Variants in CNTN1 observed in about 807,000 individuals in gnomAD.
CNTN1 encodes contactin-1.
A neutral mutation model predicts 126.4 loss-of-function variants in CNTN1; 38 were observed. The observed-to-expected ratio is 0.30, with a 90% CI of 0.23 to 0.39. The LOEUF (loss-of-function observed/expected upper bound fraction) is 0.39. Ranked by LOEUF, CNTN1 falls within the 10% of genes least tolerant of loss-of-function variation. The probability of loss-of-function intolerance (pLI) is 1.00; values close to 1 mark genes in which losing one functional copy is unlikely to be tolerated. For synonymous variants in CNTN1, 413 were observed against 422.6 expected (o/e 0.98, Z 0.28); for missense variants, 1,009 against 1,248.4 (o/e 0.81, Z 2.89).
chr12:41,062,297 A>G (rs960834759), intron 23 of CNTN1, among the ~76,000 whole-genome samples: 1 of 152,224 alleles, frequency 6.6e-6, no homozygotes, highest in Non-Finnish European at 1.5e-5. Flanking sequence ...TTAACATTAG[A>G]CCATTCATAA....
At chr12:40,801,011 T>C (rs1440177196) in intron 1 of CNTN1, among the ~76,000 whole-genome samples, 1 of 48,842 alleles carries the variant, frequency 2.0e-5, no homozygotes, top group Non-Finnish European at 3.9e-5. Context: ...CAAACTAGAG[T>C]TTTGTTTTTT....
At chr12:40,919,045 T>G (rs1342637925) in intron 4 of CNTN1, among the ~76,000 whole-genome samples, 1 of 152,156 alleles carries the variant, frequency 6.6e-6, no homozygotes, top group Non-Finnish European at 1.5e-5. Context: ...GGAAATCATG[T>G]TTTTAGGCCC....
intron 1 of CNTN1, among the ~76,000 whole-genome samples, chr12:40,752,848 C>T (rs7131902): frequency 0.15 from 23,003 of 151,926 alleles, 2,449 homozygotes; most frequent in East Asian, 0.47. Context: ...ATAAAACAAA[C>T]GGGTAATTAA....
At position 40,903,430 on chromosome 12, in the gene CNTN1, C is replaced by T. The variant is rs185472493; in HGVS notation, c.-76-4927C>T. On this transcript the variant is annotated intron_variant, in intron 1 of 23. Coordinates refer to ENST00000551295, the MANE Select transcript of CNTN1 (RefSeq NM_001843.4). ...GCCTCTGTCACTTCATTTTTTGCAA[C>T]ACTTTCAGGTCCATGGAGGTCAGGG... Among the ~76,000 whole-genome samples, 141 of 132,436 alleles carry T rather than the reference C, an allele frequency of 1.1e-3. 1 individual carries two copies. The highest frequency in any genetic ancestry group is 1.4e-4 in the Non-Finnish European group (9 of 62,906). 86.9% of individuals were successfully genotyped at this position (132,436 alleles called of 152,430 possible). A position where few individuals can be genotyped will look rare whatever the true frequency, so the allele number is the denominator to read the frequency against.
intron 1 of CNTN1, among the ~76,000 whole-genome samples, chr12:40,879,478 C>T (rs918319782): frequency 3.3e-5 from 5 of 152,056 alleles, no homozygotes; most frequent in Admixed American, 2.6e-4. Flanking sequence ...TTATGCTGAA[C>T]CAAGAATGTT....
At chr12:41,025,432 C>A in intron 21 of CNTN1, 96 bp downstream of exon 21, 2 of 1,196,278 alleles carry the variant, frequency 1.7e-6, no homozygotes, top group Non-Finnish European at 2.5e-6. Context: ...ACCTAGCTAC[C>A]TGAGCACATT....
At chr12:40,813,476 A>G (rs574936424) in intron 1 of CNTN1, among the ~76,000 whole-genome samples, 17 of 152,092 alleles carry the variant, frequency 1.1e-4, no homozygotes, top group African/African-American at 4.1e-4. Context: ...TAGTTTGGTG[A>G]GATCGATGCC....
chr12:41,069,988 G>C lies in CNTN1; in HGVS notation c.3010G>C (p.Gly1004Arg), dbSNP rs745975456. The C allele has an allele frequency of 6.2e-7, 1 of 1,613,848 alleles. No individual in the cohort carries two copies. The highest frequency in any genetic ancestry group is 8.5e-7 in the Non-Finnish European group (1 of 1,179,942). The change falls in exon 24 of 24, where the codon GGC becomes CGC. Residue 1004 changes from glycine (G) to arginine (R), a missense_variant. Coordinates refer to ENST00000551295, the MANE Select transcript of CNTN1 (RefSeq NM_001843.4). ...ACCCACCCTATCCCCAAGTCTTCTC[G>C]GCTTACTGCTGCCTGCCTTTGGCAT... ...GAPTLSPSLL[G>R]LLLPAFGILV...
intron 1 of CNTN1, among the ~76,000 whole-genome samples, chr12:40,885,457 A>C (rs1370453679): frequency 6.6e-6 from 1 of 151,960 alleles, no homozygotes; most frequent in African/African-American, 2.4e-5. Flanking sequence ...AGAGTACTTA[A>C]GCACATGGAC....
chr12:40,969,624 C>G (rs1390157757), intron 15 of CNTN1, among the ~76,000 whole-genome samples: 1 of 152,136 alleles, frequency 6.6e-6, no homozygotes, highest in Non-Finnish European at 1.5e-5. Context: ...AAGCACAACA[C>G]TATTTTAATT....
intron 4 of CNTN1, among the ~76,000 whole-genome samples, chr12:40,919,921 A>G (rs1469337275): frequency 6.6e-6 from 1 of 152,174 alleles, no homozygotes; most frequent in Non-Finnish European, 1.5e-5. Context: ...CCTATTTGTC[A>G]TTGACATGGA....
intron 23 of CNTN1, among the ~76,000 whole-genome samples, chr12:41,044,260 G>A (rs975637135): frequency 6.6e-6 from 1 of 151,990 alleles, no homozygotes; most frequent in African/African-American, 2.4e-5. Context: ...TTGGATTCAA[G>A]AAACAGAAAT....
At chr12:41,051,188 C>T (rs1453734367) in intron 23 of CNTN1, among the ~76,000 whole-genome samples, 5 of 145,720 alleles carry the variant, frequency 3.4e-5, no homozygotes, top group African/African-American at 1.3e-4. Context: ...TGCTCTGTCA[C>T]CCAGGCTGGA....
chr12:40,788,003 C>G (rs1940090685), intron 1 of CNTN1, among the ~76,000 whole-genome samples: 2 of 152,062 alleles, frequency 1.3e-5, no homozygotes, highest in African/African-American at 4.8e-5. Flanking sequence ...TGTGTATCTC[C>G]CCTGAGCCTC....
intron 1 of CNTN1, among the ~76,000 whole-genome samples, chr12:40,714,061 C>T (rs1351287599): frequency 1.3e-5 from 2 of 151,978 alleles, no homozygotes; most frequent in Non-Finnish European, 2.9e-5. Context: ...GGAATGATTA[C>T]CAGCTGTTTT....
chr12:41,063,726 G>A (rs1189994399), intron 23 of CNTN1, among the ~76,000 whole-genome samples: 1 of 152,158 alleles, frequency 6.6e-6, no homozygotes, highest in Non-Finnish European at 1.5e-5. Flanking sequence ...TATTGGTCTG[G>A]GGATAGGTGT....
chr12:40,826,225 A>G (rs1592129849), intron 1 of CNTN1, among the ~76,000 whole-genome samples: 1 of 152,304 alleles, frequency 6.6e-6, no homozygotes, highest in Non-Finnish European at 1.5e-5. Context: ...TTCTATTTAT[A>G]AATAAAATGA....
At position 40,841,741 on chromosome 12, in the gene CNTN1, A is replaced by G. The variant is rs138965725; in HGVS notation, c.-76-66616A>G. Among the ~76,000 whole-genome samples, 636 of 152,176 alleles carry G rather than the reference A, an allele frequency of 4.2e-3. 5 individuals are homozygous for G. The highest frequency in any genetic ancestry group is 0.011 in the African/African-American group (460 of 41,550). On this transcript the variant is annotated intron_variant, in intron 1 of 23. Transcript: ENST00000551295. ...AAATTTAATATCCCTTTATGACAAC[A>G]ACTCTCAACAAACTAGGTATAGAAG... is the stretch of plus-strand genomic sequence containing the variant.
intron 1 of CNTN1, among the ~76,000 whole-genome samples, chr12:40,858,830 A>G (rs920439836): frequency 3.3e-5 from 5 of 152,108 alleles, no homozygotes. Context: ...CTTTGCGGGG[A>G]CATGGATAGA....
Sources: allele counts gnomAD v4.1 joint callset (sites outside exome capture counted in the v4.1 genomes callset), GRCh38; gene constraint gnomAD v4.1.1; transcripts MANE v1.5; gene names NCBI Gene and HGNC (gene_info 2026-07-23, HGNC 2026-07-21).